Variants in GARNL3 observed in about 807,000 individuals in gnomAD.
The protein encoded by GARNL3 is GTPase activating Rap/RanGAP domain like 3, also known as GTPase-activating Rap/Ran-GAP domain-like protein 3.
Under a neutral mutation model 125.0 loss-of-function variants are expected in GARNL3, and 63 were observed. The ratio of observed to expected loss-of-function variants is 0.50; its 90% CI spans 0.41 to 0.62. The LOEUF is 0.62. Ranked by LOEUF, GARNL3 falls within the 20% of genes least tolerant of loss-of-function variation. The pLI is 0.00. For missense variants in GARNL3, 994 were observed against 1,244.0 expected (o/e 0.80, Z 3.02); for synonymous variants, 439 against 457.5 (o/e 0.96, Z 0.52).
intron 1 of GARNL3, among the ~76,000 whole-genome samples, chr9:127,241,264 A>G (rs1460637516): frequency 6.6e-6 from 1 of 152,188 alleles, no homozygotes; most frequent in Non-Finnish European, 1.5e-5. Context: ...TACAAGTATT[A>G]TCTTTGTAAT....
chr9:127,264,881 G>T lies in GARNL3; in HGVS notation c.4G>T (p.Val2Leu), dbSNP rs186168672. 1 of 1,575,708 alleles carries T rather than the reference G, an allele frequency of 6.3e-7. No individual in the cohort carries two copies. The highest frequency in any genetic ancestry group is 2.3e-5 in the East Asian group (1 of 42,872). The change falls in exon 1 of 28, where the codon GTA becomes TTA. Residue 2 changes from valine (V) to leucine (L), a missense_variant. Physicochemically the swap from Val to Leu is conservative, Grantham distance 32. Coordinates refer to ENST00000373387, the MANE Select transcript of GARNL3 (RefSeq NM_032293.5). M[V>L]VDFCRRFVAR... ...TCCATAGCAGCCCTTTTTGCAAATG[G>T]TAGTTGATTTTTGCAGAAGGTTTGT...
At chr9:127,290,380 A>C (rs984710060) in intron 1 of GARNL3, among the ~76,000 whole-genome samples, 1 of 152,196 alleles carries the variant, frequency 6.6e-6, no homozygotes, top group African/African-American at 2.4e-5. Context: ...TGTTTTGCTG[A>C]GTGAGCTCTG....
At chr9:127,265,425 G>A (rs1481894815) in intron 1 of GARNL3, among the ~76,000 whole-genome samples, 1 of 151,852 alleles carries the variant, frequency 6.6e-6, no homozygotes, top group African/African-American at 2.4e-5. Flanking sequence ...TTGCTTTCTG[G>A]GTGTGTAGTA....
At chr9:127,345,041 C>T (rs542928716) in intron 15 of GARNL3, among the ~76,000 whole-genome samples, 48 of 152,296 alleles carry the variant, frequency 3.2e-4, no homozygotes, top group Admixed American at 1.7e-3. Flanking sequence ...TTACAAGGTT[C>T]TCAAACATTG....
intron 2 of GARNL3, among the ~76,000 whole-genome samples, chr9:127,246,210 T>C (rs1458178986): frequency 6.6e-6 from 1 of 152,132 alleles, no homozygotes; most frequent in African/African-American, 2.4e-5. Flanking sequence ...GGAAAGATAA[T>C]TGGCGTCAGT....
In GARNL3 at chr9:127,332,282, G is replaced by A; in HGVS notation, c.603G>A (p.Val201=). The A allele has an allele frequency of 6.2e-7, 1 of 1,613,076 alleles. No individual in the cohort carries two copies. Among genetic ancestry groups the A allele is most frequent in the Non-Finnish European group, 8.5e-7 (1 of 1,179,106 alleles). Residue 201 remains valine (V), a synonymous_variant, in exon 8 of 28, where the codon GTG becomes GTA. Transcript: ENST00000373387. ...TTTGTTATTATCCTAAGGGCTCTGT[G>A]AATTTCAAGTTTGGGGTTCTTTTTG... ...LLVLEEQEGS[V]NFKFGVLFAK...
intron 22 of GARNL3, 45 bp downstream of exon 22, chr9:127,365,411 G>GC (rs763289726): frequency 1.5e-6 from 2 of 1,358,318 alleles, no homozygotes; most frequent in Admixed American, 1.9e-5. Context: ...TAAATGGACT[G>GC]CTTTTTTTTT....
intron 4 of GARNL3, among the ~76,000 whole-genome samples, chr9:127,316,934 C>G (rs561220037): frequency 3.0e-4 from 45 of 152,150 alleles, no homozygotes; most frequent in Non-Finnish European, 5.6e-4. Context: ...TGCCCATTCC[C>G]TAAAAGAAAT....
At chr9:127,231,026 G>GTA (rs2062994017) in intron 1 of GARNL3, among the ~76,000 whole-genome samples, 2 of 57,602 alleles carry the variant, frequency 3.5e-5, no homozygotes, top group African/African-American at 1.2e-4. Context: ...ATACATATAT[G>GTA]TATATATACA....
intron 2 of GARNL3, among the ~76,000 whole-genome samples, chr9:127,249,360 G>C (rs2063360335): frequency 6.6e-6 from 1 of 152,006 alleles, no homozygotes; most frequent in Non-Finnish European, 1.5e-5. Context: ...GAGGTGGGTG[G>C]ATCACTTGAG....
chr9:127,318,724 C>T (rs891310035), intron 5 of GARNL3, among the ~76,000 whole-genome samples: 1 of 152,128 alleles, frequency 6.6e-6, no homozygotes, highest in Non-Finnish European at 1.5e-5. Flanking sequence ...TAGGGAATGC[C>T]GCCACTTGGA....
At chr9:127,248,393 A>G (rs1173349630) in intron 2 of GARNL3, among the ~76,000 whole-genome samples, 1 of 152,062 alleles carries the variant, frequency 6.6e-6, no homozygotes, top group Non-Finnish European at 1.5e-5. Flanking sequence ...CCCCTGTTGA[A>G]ATAGTCCTGA....
intron 16 of GARNL3, among the ~76,000 whole-genome samples, chr9:127,348,175 A>G (rs915133476): frequency 6.6e-6 from 1 of 152,214 alleles, no homozygotes; most frequent in Non-Finnish European, 1.5e-5. Context: ...AGGCTTATCC[A>G]GTGCTTTGGA....
intron 2 of GARNL3, among the ~76,000 whole-genome samples, chr9:127,306,677 A>G (rs539739014): frequency 4.6e-5 from 7 of 151,740 alleles, no homozygotes; most frequent in Non-Finnish European, 7.4e-5. Flanking sequence ...CAGTGAGTCT[A>G]GATCGCGCCA....
intron 1 of GARNL3, among the ~76,000 whole-genome samples, chr9:127,236,171 C>T (rs2063109276): frequency 6.6e-6 from 1 of 152,194 alleles, no homozygotes. Flanking sequence ...ACTGGTTGGA[C>T]TCAGTACCTG....
Position 127,303,264 on chromosome 9 carries a change from G to GTA in GARNL3, c.220-8365_220-8364dup, listed in dbSNP as rs576955169. The stretch of plus-strand genomic sequence containing the variant: ...ATTTATGAAAACAAATTATGTATAT[G>GTA]TATATATAGGCTTATGTATGTATAT... On this transcript the variant is annotated intron_variant, in intron 2 of 27. Transcript: ENST00000373387. Among the ~76,000 whole-genome samples, 341 of 152,262 alleles carry GTA rather than the reference G, an allele frequency of 2.2e-3. 1 individual carries two copies. Among genetic ancestry groups the GTA allele is most frequent in the South Asian group, 0.018 (87 of 4,828 alleles).
intron 1 of GARNL3, among the ~76,000 whole-genome samples, chr9:127,286,163 A>G (rs2064244873): frequency 6.6e-6 from 1 of 152,248 alleles, no homozygotes; most frequent in Non-Finnish European, 1.5e-5. Context: ...CAAACATGCA[A>G]AAGTCTCTTT....
chr9:127,314,184 T>C (rs1000428728), intron 4 of GARNL3, among the ~76,000 whole-genome samples: 3 of 152,236 alleles, frequency 2.0e-5, no homozygotes, highest in Non-Finnish European at 4.4e-5. Context: ...TTAGAAGCTC[T>C]CCATCCCTTC....
chr9:127,349,401 T>G (rs988359669), intron 17 of GARNL3, among the ~76,000 whole-genome samples: 1 of 151,610 alleles, frequency 6.6e-6, no homozygotes, highest in Admixed American at 6.6e-5. Context: ...ACATTCCCTC[T>G]CTCGAAGTCT....
Sources: allele counts gnomAD v4.1 joint callset (sites outside exome capture counted in the v4.1 genomes callset), GRCh38; gene constraint gnomAD v4.1.1; transcripts MANE v1.5; gene names NCBI Gene and HGNC (gene_info 2026-07-23, HGNC 2026-07-21).